The following OVCH2 variants were observed in gnomAD, a reference collection of about 807,000 sequenced individuals.
OVCH2 encodes ovochymase 2.
OVCH2 carries 88 observed loss-of-function variants against 73.7 expected under a neutral mutation model. The ratio of observed to expected loss-of-function variants is 1.19; its 90% CI spans 1.01 to 1.43. The LOEUF (loss-of-function observed/expected upper bound fraction) is 1.43. OVCH2 is among the 40% of genes most tolerant of loss of function. The probability of loss-of-function intolerance (pLI) is 0.00; values close to 1 mark genes in which losing one functional copy is unlikely to be tolerated. For missense variants in OVCH2, 706 were observed against 674.5 expected (o/e 1.05, Z -0.52); for synonymous variants, 265 against 234.5 (o/e 1.13, Z -1.19).
intron 12 of OVCH2, among the ~76,000 whole-genome samples, chr11:7,694,168 T>C (rs953663611): frequency 6.6e-6 from 1 of 152,154 alleles, no homozygotes; most frequent in African/African-American, 2.4e-5. Flanking sequence ...AATTATTATT[T>C]TAAAAGAAAG....
chr11:7,694,603 A>C (rs991486844), intron 12 of OVCH2, among the ~76,000 whole-genome samples: 1 of 48,236 alleles, frequency 2.1e-5, no homozygotes, highest in Non-Finnish European at 4.5e-5. Context: ...TCACCAACAC[A>C]AAGTTTTTGT....
chr11:7,692,131 A>G (rs1856234891), intron 12 of OVCH2, 136 bp from the exon 13 acceptor site: 1 of 637,576 alleles, frequency 1.6e-6, no homozygotes, highest in African/African-American at 1.8e-5. Flanking sequence ...GGTATTCAGG[A>G]GTGGGTCAGA....
At chr11:7,683,465 T>G in the OVCH2 span, among the ~76,000 whole-genome samples, 815 of 152,318 alleles carry the variant, frequency 5.4e-3, 5 homozygotes, top group Non-Finnish European at 8.2e-3. Context: ...ATTCAGATCT[T>G]AATATCTTAC....
At chr11:7,682,164 A>T in the OVCH2 span, among the ~76,000 whole-genome samples, 1 of 152,354 alleles carries the variant, frequency 6.6e-6, no homozygotes, top group East Asian at 1.9e-4. Context: ...AAATTGTTAT[A>T]ATCTTTTTAC....
At chr11:7,682,273 G>A in the OVCH2 span, among the ~76,000 whole-genome samples, 1 of 152,220 alleles carries the variant, frequency 6.6e-6, no homozygotes, top group Non-Finnish European at 1.5e-5. Flanking sequence ...ATAAGCCCAT[G>A]TTCCTAAATC....
chr11:7,694,932 G>A (rs1279410567), intron 12 of OVCH2, 126 bp downstream of exon 12: 25 of 1,086,820 alleles, frequency 2.3e-5, no homozygotes, highest in South Asian at 1.1e-4. Context: ...TGTGTGTCAG[G>A]TGCTGGGTTC....
rs1428847193 is a variant in OVCH2 at position 7,702,164 on chromosome 11, G to T, written c.456C>A (p.Phe152Leu). Residue 152 changes from phenylalanine (F) to leucine (L), a missense_variant, in exon 4 of 16, where the codon TTC becomes TTA. Transcript: ENST00000533663. Reference sequence around the variant, plus strand: ...TGATCCTCAAATGTTTACCAAATTGGAAGGCTCCAGCCATCTTCAAAAGGG... The same window carrying T: ...TGATCCTCAAATGTTTACCAAATTGTAAGGCTCCAGCCATCTTCAAAAGGG... ...DIALLKMAGA[F>L]QFGHFVGPIC... 1.2e-6 allele frequency: 2 copies of T among 1,608,388 alleles called. No homozygotes were observed. Among genetic ancestry groups the T allele is most frequent in the Non-Finnish European group, 1.7e-6 (2 of 1,176,592 alleles).
At position 7,691,355 on chromosome 11, in the gene OVCH2, GA is replaced by G; in HGVS notation, c.1552del (p.Ser518ProfsTer34). On this transcript the variant is annotated frameshift_variant, in exon 14 of 16. Transcript: ENST00000533663. LOFTEE classifies it high-confidence loss of function. ...YDVPTPVLSP[S>X]SIMLISFQSD... ...TTGGAAGCTGATGAGCATGATGCTG[GA>G]GGGGCTCAGCACAGGGGTGGGGACA... The G allele has an allele frequency of 6.2e-7, 1 of 1,613,884 alleles. No individual in the cohort carries two copies. Among genetic ancestry groups the G allele is most frequent in the Non-Finnish European group, 8.5e-7 (1 of 1,179,858 alleles).
Position 7,700,304 on chromosome 11 carries a change from A to G in OVCH2, c.893T>C (p.Ile298Thr). The G allele has an allele frequency of 1.2e-6, 2 of 1,613,640 alleles. No homozygotes were observed. The highest frequency in any genetic ancestry group is 1.7e-6 in the Non-Finnish European group (2 of 1,179,742). Residue 298 changes from isoleucine (I) to threonine (T), a missense_variant, in exon 7 of 16, where the codon ATC becomes ACC. Physicochemically the swap from Ile to Thr is moderately conservative, Grantham distance 89 (BLOSUM62 -1). Transcript: ENST00000533663. ...SKVLPWIHEH[I>T]QTGNRRKSSR... is the part of the protein sequence containing the mutation. ...TGTGATGGCTTAGTTACCAGTTTGG[A>G]TGTGTTCGTGGATCCAGGGAAGCAC...
At chr11:7,701,083 C>T (rs766916382) in intron 6 of OVCH2, among the ~76,000 whole-genome samples, 1 of 152,180 alleles carries the variant, frequency 6.6e-6, no homozygotes, top group Non-Finnish European at 1.5e-5. Context: ...AATCAGTCTT[C>T]CTGCAGCCCC....
At position 7,696,498 on chromosome 11, in the gene OVCH2, G is replaced by A; in HGVS notation, c.1108C>T (p.Leu370=). Residue 370 remains leucine, a synonymous_variant, in exon 10 of 16, where the codon CTG becomes TTG. Transcript: ENST00000533663. ...CTGTCTTCTAAAGAATACATTGACAGGTAACTGTGGTGACAAGACTCAACA... is the reference window on the plus strand; with the variant it reads ...CTGTCTTCTAAAGAATACATTGACAAGTAACTGTGGTGACAAGACTCAACA... The part of the protein sequence containing the change: ...LDVESCHHSY[L]SMYSLEDRPI... 2 of 1,614,018 alleles carry A rather than the reference G, an allele frequency of 1.2e-6. No homozygotes were observed. The highest frequency in any genetic ancestry group is 1.7e-6 in the Non-Finnish European group (2 of 1,179,880).
At chr11:7,702,391 G>A in intron 3 of OVCH2, 62 bp from the exon 4 acceptor site, 4 of 1,269,820 alleles carry the variant, frequency 3.2e-6, no homozygotes, top group Admixed American at 5.8e-5. Flanking sequence ...AGTTGCAATG[G>A]TTGACACACT....
chr11:7,701,897 C>T (rs1404981068), intron 4 of OVCH2, 86 bp from the exon 5 acceptor site: 8 of 1,137,762 alleles, frequency 7.0e-6, no homozygotes, highest in African/African-American at 3.1e-5. Flanking sequence ...CCAGGTGGTC[C>T]CCTAAAGACC....
chr11:7,689,887 ACT>A, intron 15 of OVCH2, 35 bp downstream of exon 15: 6 of 1,225,064 alleles, frequency 4.9e-6, no homozygotes, highest in Non-Finnish European at 6.9e-6. Context: ...CCTGGATTAT[ACT>A]CTGTGTGTAT....
intron 14 of OVCH2, among the ~76,000 whole-genome samples, chr11:7,690,253 GT>G (rs1301317576): frequency 1.3e-5 from 2 of 152,200 alleles, no homozygotes; most frequent in Non-Finnish European, 2.9e-5. Flanking sequence ...GCTTTGTGGG[GT>G]TTGGAAAGAA....
chr11:7,681,626 G>C, the OVCH2 span, among the ~76,000 whole-genome samples: 1 of 152,112 alleles, frequency 6.6e-6, no homozygotes, highest in African/African-American at 2.4e-5. Context: ...ATTTACAGCA[G>C]TTGCTTCAAC....
In OVCH2 at chr11:7,700,354, A is replaced by G. The variant is rs1428742504; in HGVS notation, c.843T>C (p.Pro281=). 1 of 1,613,794 alleles carries G rather than the reference A, an allele frequency of 6.2e-7. No individual in the cohort carries two copies. The highest frequency in any genetic ancestry group is 1.3e-5 in the African/African-American group (1 of 75,024). The change falls in exon 7 of 16, where the codon CCT becomes CCC. Residue 281 remains proline, a synonymous_variant. Transcript: ENST00000533663. ...CTTTACTAATGTCTGTGAAGATCCC[A>G]GGGGATCCTTGATCACTTTTCCTCA... is the stretch of plus-strand genomic sequence containing the variant. ...NNVRKSDQGS[P]GIFTDISKVL... is the part of the protein sequence containing the mutation.
At chr11:7,683,083 G>A in the OVCH2 span, among the ~76,000 whole-genome samples, 1 of 152,182 alleles carries the variant, frequency 6.6e-6, no homozygotes, top group Non-Finnish European at 1.5e-5. Flanking sequence ...CTCCTTTGGT[G>A]ATTTTGTCCT....
chr11:7,704,616 G>C lies in OVCH2; in HGVS notation c.147C>G (p.Phe49Leu). 1.9e-6 allele frequency: 3 copies of C among 1,612,894 alleles called. No individual in the cohort carries two copies. Among genetic ancestry groups the C allele is most frequent in the Non-Finnish European group, 2.5e-6 (3 of 1,179,460 alleles). Residue 49 changes from phenylalanine (F) to leucine (L), a missense_variant, in exon 2 of 16, where the codon TTC becomes TTG. Physicochemically the swap from Phe to Leu is conservative, Grantham distance 22 (BLOSUM62 0). Transcript: ENST00000533663. ...KVQPWNYFNI[F>L]SRILGGSQVE... ...CTTGGCTTCCTCCAAGAATGCGACT[G>C]AAAATGTTAAAATAATTCCAAGGCT...
Sources: allele counts gnomAD v4.1 joint callset (sites outside exome capture counted in the v4.1 genomes callset), GRCh38; gene constraint gnomAD v4.1.1; transcripts MANE v1.5; gene names NCBI Gene and HGNC (gene_info 2026-07-23, HGNC 2026-07-21).